PIP5K1B: variants seen among roughly 807,000 people sequenced by gnomAD.
PIP5K1B encodes phosphatidylinositol-4-phosphate 5-kinase type 1 beta, also known as phosphatidylinositol 4-phosphate 5-kinase type-1 beta.
Under a neutral mutation model 67.0 loss-of-function variants are expected in PIP5K1B, and 42 were observed. The observed-to-expected ratio is 0.63, with a 90% CI of 0.49 to 0.81. The LOEUF is 0.81. PIP5K1B is among the 30% of genes least tolerant of loss of function. PIP5K1B has a pLI of 0.00. For missense variants in PIP5K1B, 459 were observed against 646.3 expected (o/e 0.71, Z 3.14); for synonymous variants, 214 against 231.4 (o/e 0.92, Z 0.68).
intron 14 of PIP5K1B, among the ~76,000 whole-genome samples, chr9:68,990,632 G>C (rs1417099632): frequency 1.4e-5 from 2 of 147,758 alleles, no homozygotes. Flanking sequence ...TGTGCTGGTA[G>C]AGAGAGAAAA....
intron 6 of PIP5K1B, among the ~76,000 whole-genome samples, chr9:68,881,763 G>A (rs1824210281): frequency 6.6e-6 from 1 of 152,128 alleles, no homozygotes; most frequent in Non-Finnish European, 1.5e-5. Context: ...CTTATTCCTA[G>A]ACAAACACCT....
intron 2 of PIP5K1B, among the ~76,000 whole-genome samples, chr9:68,760,923 T>C (rs1007740331): frequency 6.6e-6 from 1 of 152,114 alleles, no homozygotes; most frequent in Admixed American, 6.6e-5. Context: ...TAAAAACACA[T>C]ACATATTTTC....
intron 4 of PIP5K1B, among the ~76,000 whole-genome samples, chr9:68,857,274 A>G (rs894635684): frequency 1.3e-5 from 2 of 152,216 alleles, no homozygotes; most frequent in Non-Finnish European, 2.9e-5. Flanking sequence ...AGCAACAGAA[A>G]ACTAATACAA....
At chr9:68,863,784 G>A in intron 4 of PIP5K1B, 53 bp from the exon 5 acceptor site, 1 of 1,559,788 alleles carries the variant, frequency 6.4e-7, no homozygotes, top group South Asian at 1.2e-5. Context: ...CTGTACCATT[G>A]AACAAGGCCC....
At chr9:69,007,603 A>G (rs942142246) in intron 15 of PIP5K1B, among the ~76,000 whole-genome samples, 2 of 152,208 alleles carry the variant, frequency 1.3e-5, no homozygotes, top group Admixed American at 1.3e-4. Flanking sequence ...CACGCCTGTA[A>G]TCCCAGCACT....
chr9:68,823,447 A>C (rs1219251040), intron 4 of PIP5K1B, among the ~76,000 whole-genome samples: 1 of 152,198 alleles, frequency 6.6e-6, no homozygotes, highest in Non-Finnish European at 1.5e-5. Flanking sequence ...TTTGTATTTT[A>C]AAACTTTTAA....
intron 7 of PIP5K1B, among the ~76,000 whole-genome samples, chr9:68,891,552 T>C (rs1270774835): frequency 6.6e-6 from 1 of 152,038 alleles, no homozygotes; most frequent in Non-Finnish European, 1.5e-5. Flanking sequence ...AAGAATCCTT[T>C]CTCTAGAAAC....
In PIP5K1B at chr9:68,940,655, C is replaced by T. The variant is rs761828755; in HGVS notation, c.1367C>T (p.Ser456Phe). Residue 456 changes from serine (S) to phenylalanine (F), a missense_variant, in exon 14 of 16, where the codon TCC becomes TTC. Physicochemically the swap from Ser to Phe is radical, Grantham distance 155. This residue lies in a region of PIP5K1B where 169 missense variants were observed against 171.9 expected (regional missense o/e 0.98). Transcript: ENST00000265382. ...FSSLDEEALGSRHRPDLVPST... is the reference protein window; with the variant it reads ...FSSLDEEALGFRHRPDLVPST... The stretch of plus-strand genomic sequence containing the variant: ...TTGCTTTCGTTCCTAGCCCTGGGAT[C>T]CCGACACAGGCCAGACCTGGTCCCT... 11 of 1,613,728 alleles carry T rather than the reference C, an allele frequency of 6.8e-6. No individual in the cohort carries two copies. The highest frequency in any genetic ancestry group is 9.3e-6 in the Non-Finnish European group (11 of 1,179,778).
intron 6 of PIP5K1B, among the ~76,000 whole-genome samples, chr9:68,879,697 G>T (rs1028359412): frequency 6.6e-6 from 1 of 152,108 alleles, no homozygotes; most frequent in Non-Finnish European, 1.5e-5. Context: ...TAAGAGAGTA[G>T]ATTTTAAAGA....
intron 14 of PIP5K1B, among the ~76,000 whole-genome samples, chr9:68,960,721 G>A (rs967610796): frequency 6.6e-6 from 1 of 151,954 alleles, no homozygotes; most frequent in Non-Finnish European, 1.5e-5. Context: ...TTAGTATCCC[G>A]TTCTTTTATT....
At chr9:68,917,823 T>A in intron 9 of PIP5K1B, 64 bp downstream of exon 9, 1 of 1,198,956 alleles carries the variant, frequency 8.3e-7, no homozygotes, top group East Asian at 2.3e-5. Flanking sequence ...TGGGTAATTA[T>A]AGACAGTCAC....
At chr9:68,732,115 C>T (rs1828466635) in intron 1 of PIP5K1B, among the ~76,000 whole-genome samples, 1 of 152,154 alleles carries the variant, frequency 6.6e-6, no homozygotes, top group Admixed American at 6.6e-5. Context: ...GAAATTCTTA[C>T]TGTGATGTTG....
At chr9:68,828,182 T>C (rs1834086006) in intron 4 of PIP5K1B, among the ~76,000 whole-genome samples, 2 of 152,230 alleles carry the variant, frequency 1.3e-5, no homozygotes, top group South Asian at 4.1e-4. Context: ...CCTGAGGTTG[T>C]CGTTCTAGGC....
chr9:68,730,804 T>C (rs962983637), intron 1 of PIP5K1B, among the ~76,000 whole-genome samples: 1 of 152,168 alleles, frequency 6.6e-6, no homozygotes, highest in Admixed American at 6.5e-5. Context: ...AGGCTTTATG[T>C]ATATGCTGGG....
chr9:68,781,616 G>T (rs1225292659), intron 2 of PIP5K1B: 1 of 166,554 alleles, frequency 6.0e-6, no homozygotes, highest in Non-Finnish European at 1.5e-5. Context: ...AATTATAAAA[G>T]TTTGAACAAA....
chr9:68,913,568 C>A (rs1263273561), intron 8 of PIP5K1B, among the ~76,000 whole-genome samples: 2 of 152,150 alleles, frequency 1.3e-5, no homozygotes, highest in African/African-American at 2.4e-5. Flanking sequence ...ATTACAGAAG[C>A]CTTTTAATTT....
At chr9:68,950,636 C>T (rs1828019337) in intron 14 of PIP5K1B, among the ~76,000 whole-genome samples, 1 of 152,114 alleles carries the variant, frequency 6.6e-6, no homozygotes, top group Non-Finnish European at 1.5e-5. Flanking sequence ...TTCATGTTAC[C>T]AGTTCTGGCC....
chr9:68,780,311 G>C (rs1297064887), intron 2 of PIP5K1B: 5 of 1,601,274 alleles, frequency 3.1e-6, no homozygotes, highest in East Asian at 4.5e-5. Flanking sequence ...ACACTTCGCC[G>C]GTGTTCCAGG....
intron 8 of PIP5K1B, among the ~76,000 whole-genome samples, chr9:68,907,048 A>G (rs1347048674): frequency 6.6e-6 from 1 of 152,212 alleles, no homozygotes; most frequent in East Asian, 1.9e-4. Flanking sequence ...GTAGTTACTT[A>G]ATTATCTATG....
Sources: gnomAD v4.1 joint callset for allele counts (sites outside exome capture counted in the v4.1 genomes callset) on GRCh38, gnomAD v4.1.1 for gene constraint, gnomAD v4.1.1 regional missense constraint, MANE v1.5 for transcripts, NCBI Gene and HGNC (gene_info 2026-07-23, HGNC 2026-07-21) for gene names.